The following SHISA6 variants were observed in gnomAD, a reference collection of about 807,000 sequenced individuals.
SHISA6 encodes protein shisa-6.
A neutral mutation model predicts 47.9 loss-of-function variants in SHISA6; 22 were observed. The observed-to-expected ratio is 0.46, with a 90% CI of 0.33 to 0.66. The LOEUF is 0.66. Ranked by LOEUF, SHISA6 falls within the 30% of genes least tolerant of loss-of-function variation. SHISA6 has a pLI of 0.02. For missense variants in SHISA6, 680 were observed against 764.6 expected, an observed-to-expected ratio of 0.89 and a Z score of 1.30; for synonymous variants, 388 against 337.8, an observed-to-expected ratio of 1.15 and a Z score of -1.63.
intron 2 of SHISA6, among the ~76,000 whole-genome samples, chr17:11,373,083 T>C (rs1912680302): frequency 6.6e-6 from 1 of 151,864 alleles, no homozygotes. Flanking sequence ...AATCTTTTCT[T>C]AATGAATTTG....
rs1038814224 is a variant in SHISA6, at chr17:11,558,632, G to A, written c.*328G>A. 15 of 372,598 alleles carry A rather than the reference G, an allele frequency of 4.0e-5. No individual in the cohort carries two copies. The highest frequency in any genetic ancestry group is 6.5e-5 in the Non-Finnish European group (13 of 200,926). The allele number at this position is 372,598 out of a possible 1,614,324, so 23.1% of individuals were successfully genotyped here. On this transcript the variant is annotated 3_prime_UTR_variant, in exon 6 of 6. Coordinates refer to ENST00000441885, the MANE Select transcript of SHISA6 (RefSeq NM_207386.4). ...GTCCCGCGCCTCCTTCTCCCCATCCGGGGGACTCAGCTGCAGGTTCTGTCA... is the reference window on the plus strand; with the variant it reads ...GTCCCGCGCCTCCTTCTCCCCATCCAGGGGACTCAGCTGCAGGTTCTGTCA...
At position 11,241,302 on chromosome 17, in the gene SHISA6, C is replaced by G; in HGVS notation, c.-121C>G. ...CCCGCGCCTCGATGGCGCCATCGCC[C>G]CGGAGCCGCTGACCGCTCAGCGCCT... On this transcript the variant is annotated 5_prime_UTR_variant, in exon 1 of 6. Transcript: ENST00000441885. The surrounding 1 kb of genome is among the most constrained non-coding windows in gnomAD (Gnocchi z 5.5). 1 of 565,904 alleles carries G rather than the reference C, an allele frequency of 1.8e-6. No individual in the cohort carries two copies. The highest frequency in any genetic ancestry group is 2.2e-6 in the Non-Finnish European group (1 of 447,726). The allele number at this position is 565,904 out of a possible 1,614,324, so 35.1% of individuals were successfully genotyped here.
intron 2 of SHISA6, among the ~76,000 whole-genome samples, chr17:11,336,321 C>T (rs1911319273): frequency 6.6e-6 from 1 of 151,704 alleles, no homozygotes; most frequent in African/African-American, 2.4e-5. Context: ...TCAGAATAGT[C>T]TTAATGTGGG....
At chr17:11,460,495 G>A (rs1212439341) in intron 3 of SHISA6, among the ~76,000 whole-genome samples, 1 of 152,152 alleles carries the variant, frequency 6.6e-6, no homozygotes, top group Non-Finnish European at 1.5e-5. Flanking sequence ...GGGTGCAAGC[G>A]ATTCTCCTGC....
At chr17:11,319,445 T>C (rs1910639384) in intron 2 of SHISA6, among the ~76,000 whole-genome samples, 1 of 152,218 alleles carries the variant, frequency 6.6e-6, no homozygotes, top group Non-Finnish European at 1.5e-5. Context: ...TCTCTGAGAA[T>C]ACTGATTTTA....
chr17:11,406,305 A>G (rs1161281667), intron 3 of SHISA6, among the ~76,000 whole-genome samples: 1 of 152,332 alleles, frequency 6.6e-6, no homozygotes, highest in South Asian at 2.1e-4. Flanking sequence ...GGGAATTAAT[A>G]TCATACTTCT....
At chr17:11,550,654 C>T (rs1203876480) in intron 3 of SHISA6, among the ~76,000 whole-genome samples, 1 of 152,078 alleles carries the variant, frequency 6.6e-6, no homozygotes, top group Non-Finnish European at 1.5e-5. Flanking sequence ...AGCCTGGACA[C>T]CAGAATAAAA....
intron 3 of SHISA6, among the ~76,000 whole-genome samples, chr17:11,472,335 T>C (rs1482389608): frequency 2.0e-5 from 3 of 152,158 alleles, no homozygotes; most frequent in Non-Finnish European, 2.9e-5. Flanking sequence ...CAGCTGAGAC[T>C]ACAGGCTCAT....
intron 2 of SHISA6, among the ~76,000 whole-genome samples, chr17:11,320,659 C>CA (rs112649016): frequency 2.8e-4 from 22 of 79,518 alleles, no homozygotes; most frequent in African/African-American, 4.8e-4. Flanking sequence ...ACTCCATCAC[C>CA]AAAAAAAAAA....
At position 11,442,697 on chromosome 17, in the gene SHISA6, G is replaced by A. The variant is rs144051697; in HGVS notation, c.895+63188G>A. On this transcript the variant is annotated intron_variant, in intron 3 of 5. Coordinates refer to ENST00000441885, the MANE Select transcript of SHISA6 (RefSeq NM_207386.4). ...ATGCTAATAGATTCCAGTGATCTAA[G>A]TTTGCCTTTGGACAGGATGCTCCTA... 2.0e-5 allele frequency among the ~76,000 whole-genome samples: 3 copies of A among 152,314 alleles called. No individual in the cohort carries two copies. In the East Asian group the frequency reaches 5.8e-4, roughly 29 times the overall value.
At chr17:11,412,280 C>T (rs1914144138) in intron 3 of SHISA6, among the ~76,000 whole-genome samples, 1 of 152,016 alleles carries the variant, frequency 6.6e-6, no homozygotes, top group Non-Finnish European at 1.5e-5. Context: ...AAGTGAAGTA[C>T]CTCACACACT....
At chr17:11,486,653 T>C (rs1282731885) in intron 3 of SHISA6, among the ~76,000 whole-genome samples, 1 of 152,142 alleles carries the variant, frequency 6.6e-6, no homozygotes, top group Non-Finnish European at 1.5e-5. Flanking sequence ...CCACCCAAGG[T>C]GAGACCATAA....
intron 3 of SHISA6, among the ~76,000 whole-genome samples, chr17:11,433,119 A>G (rs1463054192): frequency 6.6e-6 from 1 of 152,194 alleles, no homozygotes; most frequent in Non-Finnish European, 1.5e-5. Context: ...TCTGGGGTAC[A>G]TGCGCAGAAT....
intron 3 of SHISA6, among the ~76,000 whole-genome samples, chr17:11,528,935 G>A (rs4792146): frequency 0.54 from 82,824 of 151,992 alleles, 22,799 homozygotes; most frequent in African/African-American, 0.63. Flanking sequence ...ATTCATGCCT[G>A]TAATCCCAGC....
At chr17:11,462,070 AAG>A (rs1915705977) in intron 3 of SHISA6, among the ~76,000 whole-genome samples, 1 of 152,178 alleles carries the variant, frequency 6.6e-6, no homozygotes, top group African/African-American at 2.4e-5. Context: ...AAAGCCATAT[AAG>A]AGGGGAAAAG....
chr17:11,450,448 G>C (rs1361910118), intron 3 of SHISA6, among the ~76,000 whole-genome samples: 1 of 152,032 alleles, frequency 6.6e-6, no homozygotes, highest in Non-Finnish European at 1.5e-5. Context: ...CCTGAGGTCA[G>C]GAGTTTGAGA....
intron 2 of SHISA6, among the ~76,000 whole-genome samples, chr17:11,269,914 G>A (rs1291630775): frequency 6.6e-6 from 1 of 152,120 alleles, no homozygotes; most frequent in Non-Finnish European, 1.5e-5. Context: ...TTGGTTCCTA[G>A]CCACATGCGA....
chr17:11,263,621 G>C, intron 2 of SHISA6, 95 bp downstream of exon 2: 1 of 1,435,732 alleles, frequency 7.0e-7, no homozygotes, highest in Non-Finnish European at 9.5e-7. Context: ...GACCATGATG[G>C]TGTGATGAGG....
intron 2 of SHISA6, among the ~76,000 whole-genome samples, chr17:11,336,893 C>T (rs1160725811): frequency 1.3e-5 from 2 of 152,220 alleles, no homozygotes; most frequent in South Asian, 2.1e-4. Flanking sequence ...CGAAAACTCC[C>T]TCCAGGGCAG....
Sources: allele counts gnomAD v4.1 joint callset (sites outside exome capture counted in the v4.1 genomes callset), GRCh38; gene constraint gnomAD v4.1.1; non-coding constraint Gnocchi (gnomAD v3.1); transcripts MANE v1.5; gene names NCBI Gene and HGNC (gene_info 2026-07-23, HGNC 2026-07-21).